Variants in PCSK5 observed in about 807,000 individuals in gnomAD.
PCSK5 encodes proprotein convertase subtilisin/kexin type 5.
In PCSK5, 129 loss-of-function variants were observed where a neutral mutation model predicts 233.2. That is an observed-to-expected ratio of 0.55 (90% confidence interval 0.48 to 0.64). The LOEUF is 0.64. PCSK5 is among the 30% of genes least tolerant of loss of function. The pLI, the probability that PCSK5 is intolerant of heterozygous loss-of-function variation, is 0.00. For missense variants in PCSK5, 2,076 were observed against 2,430.1 expected (o/e 0.85, Z 3.06); for synonymous variants, 825 against 879.2 (o/e 0.94, Z 1.09).
At position 76,289,497 on chromosome 9, in the gene PCSK5, AC is replaced by A. The variant is rs1564159469; in HGVS notation, c.3143-2735del. ...CACACACACACACACACACACACAC[AC>A]ACACACACACACGCAACATACACAC... is the stretch of plus-strand genomic sequence containing the variant. On this transcript the variant is annotated intron_variant, in intron 24 of 37. Transcript: ENST00000674117. Among the ~76,000 whole-genome samples the A allele has an allele frequency of 8.1e-5, 8 of 99,110 alleles. No homozygotes were observed. In the South Asian group the frequency reaches 2.5e-3, roughly 32 times the overall value. 65.0% of individuals were successfully genotyped at this position (99,110 alleles called of 152,430 possible).
chr9:76,307,849 A>G (rs1828748783), intron 28 of PCSK5, among the ~76,000 whole-genome samples: 1 of 152,110 alleles, frequency 6.6e-6, no homozygotes, highest in Non-Finnish European at 1.5e-5. Flanking sequence ...AAAAGAAAAG[A>G]AGTTCCTCCA....
chr9:75,911,040 G>A (rs754919577), intron 1 of PCSK5, among the ~76,000 whole-genome samples: 15 of 152,036 alleles, frequency 9.9e-5, no homozygotes, highest in Admixed American at 8.5e-4. Context: ...GCCGATTTGC[G>A]ATCTGTTAAA....
In PCSK5 at chr9:76,291,735, C is replaced by T. The variant is rs191621135; in HGVS notation, c.3143-498C>T. On this transcript the variant is annotated intron_variant, in intron 24 of 37. Coordinates refer to ENST00000674117, the MANE Select transcript of PCSK5 (RefSeq NM_001372043.1). ...GTTTTTTTAAGAAAGTTGCGAAGGG[C>T]GTAACATGAAGTGGATACTTGGGAA... Among the ~76,000 whole-genome samples the T allele has an allele frequency of 3.8e-4, 58 of 152,242 alleles. No homozygotes were observed. In the East Asian group the frequency reaches 0.011, roughly 28 times the overall value.
chr9:76,165,375 A>G (rs1012320873), intron 12 of PCSK5, among the ~76,000 whole-genome samples: 1 of 152,246 alleles, frequency 6.6e-6, no homozygotes, highest in Middle Eastern at 3.2e-3. Context: ...TTTATAAAAC[A>G]TCTTGTTATT....
intron 29 of PCSK5, among the ~76,000 whole-genome samples, chr9:76,309,102 C>A (rs1465115180): frequency 6.6e-6 from 1 of 152,042 alleles, no homozygotes; most frequent in Non-Finnish European, 1.5e-5. Context: ...CCTGTAGTTC[C>A]ACCTACTTGG....
At chr9:76,034,563 A>G (rs1201795471) in intron 5 of PCSK5, among the ~76,000 whole-genome samples, 1 of 150,248 alleles carries the variant, frequency 6.7e-6, no homozygotes, top group Non-Finnish European at 1.5e-5. Context: ...ATGTGCTCCA[A>G]CTGTTCACCC....
At chr9:75,955,438 A>G (rs1825053246) in intron 2 of PCSK5, among the ~76,000 whole-genome samples, 1 of 152,170 alleles carries the variant, frequency 6.6e-6, no homozygotes, top group South Asian at 2.1e-4. Context: ...GATTTAACTA[A>G]TTTTAAAGAG....
intron 9 of PCSK5, among the ~76,000 whole-genome samples, chr9:76,124,888 A>C (rs1310270984): frequency 6.6e-6 from 1 of 151,604 alleles, no homozygotes; most frequent in Non-Finnish European, 1.5e-5. Flanking sequence ...ATACCACTTC[A>C]TACTCCTCAT....
intron 3 of PCSK5, among the ~76,000 whole-genome samples, chr9:75,991,312 G>C (rs1826759387): frequency 6.6e-6 from 1 of 152,116 alleles, no homozygotes; most frequent in Non-Finnish European, 1.5e-5. Context: ...CTGGGAATTT[G>C]TATTTCTGGC....
chr9:76,079,780 A>G (rs1830769115), intron 7 of PCSK5, among the ~76,000 whole-genome samples: 1 of 152,154 alleles, frequency 6.6e-6, no homozygotes, highest in Non-Finnish European at 1.5e-5. Flanking sequence ...TTGACTGTTC[A>G]GTGCCTTGTT....
intron 9 of PCSK5, among the ~76,000 whole-genome samples, chr9:76,118,021 G>A (rs1417444990): frequency 6.6e-6 from 1 of 152,050 alleles, no homozygotes; most frequent in Non-Finnish European, 1.5e-5. Context: ...TTTATTCATT[G>A]CTCTGAATTT....
chr9:75,952,665 G>A (rs34643352), intron 2 of PCSK5, among the ~76,000 whole-genome samples: 8,093 of 152,012 alleles, frequency 0.053, 259 homozygotes, highest in Middle Eastern at 0.11. Flanking sequence ...TCTGCTTTCC[G>A]GACCTGTAGT....
intron 11 of PCSK5, among the ~76,000 whole-genome samples, chr9:76,157,425 A>G (rs909260719): frequency 6.7e-6 from 1 of 149,346 alleles, no homozygotes; most frequent in African/African-American, 2.6e-5. Flanking sequence ...AAAGTTTTCT[A>G]CTGTCGATAT....
chr9:76,269,002 G>A (rs1280955600), intron 24 of PCSK5, among the ~76,000 whole-genome samples: 1 of 152,190 alleles, frequency 6.6e-6, no homozygotes, highest in Non-Finnish European at 1.5e-5. Context: ...TGTAAAATTT[G>A]GAAAGGGGTG....
At chr9:75,909,798 C>T (rs1310568977) in intron 1 of PCSK5, among the ~76,000 whole-genome samples, 1 of 152,194 alleles carries the variant, frequency 6.6e-6, no homozygotes, top group African/African-American at 2.4e-5. Context: ...TTAGTACTGT[C>T]CACTGAATGT....
chr9:75,901,808 C>T (rs1045563821), intron 1 of PCSK5, among the ~76,000 whole-genome samples: 8 of 152,074 alleles, frequency 5.3e-5, no homozygotes, highest in African/African-American at 1.9e-4. Context: ...GCTGCTTGTC[C>T]TTAGCCATTG....
rs1829568259 is a variant in PCSK5 at position 76,332,591 on chromosome 9, C to A, written c.4729C>A (p.Leu1577Met). Residue 1577 changes from leucine to methionine, a missense_variant, in exon 34 of 38, where the codon CTG becomes ATG. By Grantham distance (15) the Leu-to-Met change is conservative. This residue lies in a region of PCSK5 where 1,510 missense variants were observed against 1,538.1 expected (regional missense o/e 0.98). Coordinates refer to ENST00000674117, the MANE Select transcript of PCSK5 (RefSeq NM_001372043.1). Reference protein sequence around the residue: ...PGWFQLGKECLLQCREGYYAD... With the variant: ...PGWFQLGKECMLQCREGYYAD... ...CTGGTTCCAGCTAGGAAAAGAGTGC[C>A]TGCTCCAGTGCAGGGAAGGGTAAGT... 6 of 1,596,758 alleles carry A rather than the reference C, an allele frequency of 3.8e-6. No individual in the cohort carries two copies. Among genetic ancestry groups the A allele is most frequent in the Non-Finnish European group, 5.1e-6 (6 of 1,171,322 alleles).
At chr9:75,974,145 A>G (rs1001171874) in intron 2 of PCSK5, among the ~76,000 whole-genome samples, 1 of 152,160 alleles carries the variant, frequency 6.6e-6, no homozygotes, top group Non-Finnish European at 1.5e-5. Flanking sequence ...TTACGTGTTC[A>G]GGGTGAGGGA....
At chr9:76,179,741 C>A in intron 15 of PCSK5, 43 bp downstream of exon 15, 1 of 1,362,886 alleles carries the variant, frequency 7.3e-7, no homozygotes, top group Non-Finnish European at 1.0e-6. Flanking sequence ...ATGTGCCAGG[C>A]ATCTTAGGAG....
Sources: allele counts gnomAD v4.1 joint callset (sites outside exome capture counted in the v4.1 genomes callset), GRCh38; gene constraint gnomAD v4.1.1; regional missense constraint gnomAD v4.1.1; transcripts MANE v1.5; gene names NCBI Gene and HGNC (gene_info 2026-07-23, HGNC 2026-07-21).